Variants in PLEKHA2 observed in about 807,000 individuals in gnomAD.
PLEKHA2 encodes pleckstrin homology domain containing A2, also known as pleckstrin homology domain-containing family A member 2.
In PLEKHA2, 28 loss-of-function variants were observed where a neutral mutation model predicts 53.2. The ratio of observed to expected loss-of-function variants is 0.53; its 90% CI spans 0.39 to 0.72. PLEKHA2 has a LOEUF of 0.72. Among genes scored for constraint, PLEKHA2 ranks in the 30% least tolerant of loss-of-function variants. PLEKHA2 has a pLI of 0.00. For synonymous variants in PLEKHA2, 193 were observed against 196.4 expected (o/e 0.98, Z 0.14); for missense variants, 426 against 537.9 (o/e 0.79, Z 2.06).
At chr8:38,915,152 C>G (rs922567473) in intron 1 of PLEKHA2, among the ~76,000 whole-genome samples, 1 of 152,088 alleles carries the variant, frequency 6.6e-6, no homozygotes, top group African/African-American at 2.4e-5. Context: ...CACTGTGTTG[C>G]GCACGTTGGT....
rs75133805 is a variant in PLEKHA2, at chr8:38,939,657, T to C, written c.198+3607T>C. On this transcript the variant is annotated intron_variant, in intron 3 of 11. Transcript: ENST00000617275. ...TTGTGGTCAAAACGAGCATTTGTTATCCAAACAGAATTAAAACAGTCCGCC... is the reference window on the plus strand; with the variant it reads ...TTGTGGTCAAAACGAGCATTTGTTACCCAAACAGAATTAAAACAGTCCGCC... Among the ~76,000 whole-genome samples, 13 of 152,350 alleles carry C rather than the reference T, an allele frequency of 8.5e-5. No homozygotes were observed. In the East Asian group the frequency reaches 2.1e-3, roughly 25 times the overall value.
intron 2 of PLEKHA2, among the ~76,000 whole-genome samples, chr8:38,928,146 C>T (rs1834320162): frequency 6.6e-6 from 1 of 150,890 alleles, no homozygotes; most frequent in Admixed American, 6.6e-5. Flanking sequence ...ATTGAGTTTA[C>T]AGCTTTAGAA....
At chr8:38,916,405 CCCCAGCCCCCCACTACCCTT>C (rs1159505688) in intron 1 of PLEKHA2, among the ~76,000 whole-genome samples, 1 of 152,144 alleles carries the variant, frequency 6.6e-6, no homozygotes, top group Admixed American at 6.5e-5. Context: ...CCCCATTTCC[CCCCAGCCCCCCACTACCCTT>C]CCCAGCCTCT....
chr8:38,927,602 T>A (rs1466533612), intron 2 of PLEKHA2, among the ~76,000 whole-genome samples: 1 of 152,174 alleles, frequency 6.6e-6, no homozygotes, highest in African/African-American at 2.4e-5. Flanking sequence ...ATATTAGATT[T>A]TGCTTCAGAG....
chr8:38,962,092 G>A (rs371162851), intron 10 of PLEKHA2, among the ~76,000 whole-genome samples: 14 of 152,204 alleles, frequency 9.2e-5, no homozygotes, highest in African/African-American at 3.1e-4. Flanking sequence ...GGCTTTGAAG[G>A]TAAATTATTT....
intron 10 of PLEKHA2, among the ~76,000 whole-genome samples, chr8:38,958,572 G>A (rs749803022): frequency 6.6e-6 from 1 of 152,126 alleles, no homozygotes; most frequent in Non-Finnish European, 1.5e-5. Flanking sequence ...TAGTCATCTC[G>A]GGGCTATATC....
chr8:38,966,820 G>T (rs964274016), intron 10 of PLEKHA2, among the ~76,000 whole-genome samples: 5 of 151,928 alleles, frequency 3.3e-5, no homozygotes, highest in African/African-American at 1.2e-4. Flanking sequence ...AAATTTAAGG[G>T]GTACAAGTGC....
chr8:38,938,908 T>C (rs1363512265), intron 3 of PLEKHA2, among the ~76,000 whole-genome samples: 1 of 151,472 alleles, frequency 6.6e-6, no homozygotes, highest in South Asian at 2.1e-4. Context: ...TTCTTTTTTT[T>C]TTTTTTTAAA....
chr8:38,960,890 T>C (rs1274266186), intron 10 of PLEKHA2: 3 of 152,264 alleles, frequency 2.0e-5, no homozygotes, highest in Admixed American at 2.0e-4. Context: ...AATCCATTGG[T>C]CAATTTTGCA....
chr8:38,939,028 C>T (rs1383361792), intron 3 of PLEKHA2, among the ~76,000 whole-genome samples: 1 of 151,982 alleles, frequency 6.6e-6, no homozygotes, highest in Non-Finnish European at 1.5e-5. Context: ...CTCAGCCTCC[C>T]GAGTAGCTGG....
chr8:38,968,261 A>G (rs1835177996), intron 10 of PLEKHA2, among the ~76,000 whole-genome samples: 1 of 152,100 alleles, frequency 6.6e-6, no homozygotes, highest in African/African-American at 2.4e-5. Context: ...TTCCTTTTTT[A>G]TAAAACTAGG....
chr8:38,934,791 G>GC (rs1227710302), intron 2 of PLEKHA2, among the ~76,000 whole-genome samples: 1 of 151,362 alleles, frequency 6.6e-6, no homozygotes, highest in African/African-American at 2.4e-5. Flanking sequence ...ACTCATAACA[G>GC]CCCTATGAGA....
At position 38,971,219 on chromosome 8, in the gene PLEKHA2, G is replaced by A. The variant is rs1835242645; in HGVS notation, c.*1436G>A. 1 of 152,638 alleles carries A rather than the reference G, an allele frequency of 6.6e-6. No individual in the cohort carries two copies. Among genetic ancestry groups the A allele is most frequent in the South Asian group, 2.1e-4 (1 of 4,826 alleles). 9.5% of individuals were successfully genotyped at this position (152,638 alleles called of 1,614,324 possible). ...GAACTTTTTCTGACTGCACTGCTTT[G>A]GAGCTATTCATTTAAATTGAGTTTG... is the stretch of plus-strand genomic sequence containing the variant. On this transcript the variant is annotated 3_prime_UTR_variant, in exon 12 of 12. Coordinates refer to ENST00000617275, the MANE Select transcript of PLEKHA2 (RefSeq NM_021623.2).
At chr8:38,948,283 T>C (rs988598462) in intron 5 of PLEKHA2, among the ~76,000 whole-genome samples, 1 of 152,098 alleles carries the variant, frequency 6.6e-6, no homozygotes, top group African/African-American at 2.4e-5. Flanking sequence ...CTTAGGTAGG[T>C]CGTGACATGC....
intron 1 of PLEKHA2, among the ~76,000 whole-genome samples, chr8:38,902,879 T>C (rs775285097): frequency 6.6e-6 from 1 of 152,188 alleles, no homozygotes; most frequent in African/African-American, 2.4e-5. Flanking sequence ...CCCACTTGTT[T>C]TGAGAAGCCA....
chr8:38,940,838 T>C (rs998054627), intron 3 of PLEKHA2, among the ~76,000 whole-genome samples: 5 of 152,086 alleles, frequency 3.3e-5, no homozygotes, highest in Non-Finnish European at 7.4e-5. Flanking sequence ...TCGTAGGCTC[T>C]GTGGCTTTCA....
intron 10 of PLEKHA2, among the ~76,000 whole-genome samples, chr8:38,959,267 G>T (rs1204015826): frequency 6.6e-6 from 1 of 152,186 alleles, no homozygotes; most frequent in African/African-American, 2.4e-5. Flanking sequence ...AGCTCAGTCT[G>T]TTGGGGGAAA....
At chr8:38,943,512 A>G (rs1334996852) in intron 3 of PLEKHA2, among the ~76,000 whole-genome samples, 1 of 151,990 alleles carries the variant, frequency 6.6e-6, no homozygotes, top group South Asian at 2.1e-4. Context: ...TAATAAACAT[A>G]AGTCTTTTTG....
intron 3 of PLEKHA2, among the ~76,000 whole-genome samples, chr8:38,938,819 G>A (rs1588256193): frequency 1.3e-5 from 2 of 152,156 alleles, no homozygotes; most frequent in South Asian, 4.1e-4. Context: ...TCACCCGCCT[G>A]CAGCCACGCC....
Sources: allele counts gnomAD v4.1 joint callset (sites outside exome capture counted in the v4.1 genomes callset), GRCh38; gene constraint gnomAD v4.1.1; transcripts MANE v1.5; gene names NCBI Gene and HGNC (gene_info 2026-07-23, HGNC 2026-07-21).